TNR: variants seen among roughly 807,000 people sequenced by gnomAD.
TNR encodes tenascin R, also known as tenascin-R.
A neutral mutation model predicts 150.4 loss-of-function variants in TNR; 45 were observed. The ratio of observed to expected loss-of-function variants is 0.30; its 90% confidence interval spans 0.24 to 0.38. The LOEUF is 0.38. Ranked by LOEUF, TNR falls within the 10% of genes least tolerant of loss-of-function variation. The pLI, the probability that TNR is intolerant of heterozygous loss-of-function variation, is 1.00. For synonymous variants in TNR, 687 were observed against 678.4 expected (o/e 1.01, Z -0.20); for missense variants, 1,544 against 1,759.1 (o/e 0.88, Z 2.19).
At chr1:175,349,786 A>G (rs1442948110) in intron 18 of TNR, among the ~76,000 whole-genome samples, 1 of 152,178 alleles carries the variant, frequency 6.6e-6, no homozygotes, top group South Asian at 2.1e-4. Context: ...ACATGCATGG[A>G]AATGGTTTGT....
chr1:175,367,190 A>G lies in TNR; in HGVS notation c.2053+18T>C, dbSNP rs368674763. ...ATAGGCTAACCTGGTCTTCTTCCTC[A>G]GCAGTCCTCCTACTCACCAGTCCTG... On this transcript the variant is annotated intron_variant, in intron 10 of 22. Transcript: ENST00000367674. The G allele has an allele frequency of 8.7e-6, 14 of 1,612,970 alleles. No homozygotes were observed. The highest frequency in any genetic ancestry group is 1.2e-5 in the Non-Finnish European group (14 of 1,179,238).
intron 1 of TNR, among the ~76,000 whole-genome samples, chr1:175,555,516 A>G (rs372213129): frequency 2.0e-3 from 22 of 10,866 alleles, no homozygotes; most frequent in African/African-American, 5.0e-3. Context: ...CAACTGAGAG[A>G]AAAAAAAAAA....
chr1:175,549,676 A>T lies in TNR; in HGVS notation c.-164-21307T>A, dbSNP rs183620514. 8.5e-4 allele frequency among the ~76,000 whole-genome samples: 130 copies of T among 152,322 alleles called. No homozygotes were observed. The East Asian group carries it at 0.019, about 22-fold the overall frequency. The stretch of plus-strand genomic sequence containing the variant: ...GAGAGGGAAGCATGAAAGAAATACA[A>T]TGCAAGAGAGGTTCTCTGTTGCTGA... On this transcript the variant is annotated intron_variant, in intron 1 of 22. Coordinates refer to ENST00000367674, the MANE Select transcript of TNR (RefSeq NM_003285.3).
chr1:175,698,107 C>T (rs745987845), intron 1 of TNR, among the ~76,000 whole-genome samples: 2 of 152,218 alleles, frequency 1.3e-5, no homozygotes, highest in African/African-American at 4.8e-5. Flanking sequence ...CCATTCATTC[C>T]GTAATCCAAT....
At chr1:175,359,139 C>CTTTTTTTTTTTTTGT (rs1651469432) in intron 15 of TNR, among the ~76,000 whole-genome samples, 1 of 42,138 alleles carries the variant, frequency 2.4e-5, no homozygotes, top group Admixed American at 4.0e-4. Flanking sequence ...GGGATATCTT[C>CTTTTTTTTTTTTTGT]TTTTTTTTTT....
intron 2 of TNR, among the ~76,000 whole-genome samples, chr1:175,414,755 C>A (rs1654361914): frequency 6.6e-6 from 1 of 152,310 alleles, no homozygotes; most frequent in African/African-American, 2.4e-5. Flanking sequence ...TTTTCTTTTC[C>A]TCTTCCTCCC....
At chr1:175,394,000 T>A in intron 5 of TNR, 105 bp from the exon 6 acceptor site, 13 of 856,126 alleles carry the variant, frequency 1.5e-5, no homozygotes, top group Non-Finnish European at 2.3e-5. Flanking sequence ...ATGGGCGTGG[T>A]GGTGTCTGGT....
chr1:175,742,575 C>A (rs534862513), intron 1 of TNR, among the ~76,000 whole-genome samples: 1 of 152,104 alleles, frequency 6.6e-6, no homozygotes, highest in Non-Finnish European at 1.5e-5. Flanking sequence ...GGGACCTCAA[C>A]CCCCCAAAGC....
chr1:175,537,337 C>T (rs1021238623), intron 1 of TNR, among the ~76,000 whole-genome samples: 4 of 152,272 alleles, frequency 2.6e-5, no homozygotes, highest in South Asian at 4.2e-4. Context: ...CCCTTCCTTG[C>T]CCGGGTGTGG....
chr1:175,521,209 A>G (rs1396076820), intron 2 of TNR, among the ~76,000 whole-genome samples: 1 of 152,116 alleles, frequency 6.6e-6, no homozygotes, highest in Non-Finnish European at 1.5e-5. Flanking sequence ...TATTTAATAT[A>G]TTGTCCTTAC....
intron 6 of TNR, among the ~76,000 whole-genome samples, chr1:175,393,397 T>C (rs1653268435): frequency 6.6e-6 from 1 of 152,212 alleles, no homozygotes; most frequent in South Asian, 2.1e-4. Context: ...TGGCTGATTA[T>C]GTGATGGATT....
chr1:175,460,028 C>T (rs564709448), intron 2 of TNR, among the ~76,000 whole-genome samples: 14 of 152,288 alleles, frequency 9.2e-5, no homozygotes, highest in Admixed American at 5.9e-4. Context: ...TTCTAACAGA[C>T]GGTGACTGAC....
At chr1:175,486,082 G>C (rs1342487129) in intron 2 of TNR, among the ~76,000 whole-genome samples, 1 of 151,560 alleles carries the variant, frequency 6.6e-6, no homozygotes, top group Non-Finnish European at 1.5e-5. Flanking sequence ...ATGGTTTTGG[G>C]ATGAAACTGT....
chr1:175,725,952 G>T (rs1047953304), intron 1 of TNR, among the ~76,000 whole-genome samples: 3 of 152,146 alleles, frequency 2.0e-5, no homozygotes, highest in Non-Finnish European at 4.4e-5. Context: ...AATGAAAGTG[G>T]AATGATGGGA....
At chr1:175,403,872 G>T (rs891103036) in intron 3 of TNR, among the ~76,000 whole-genome samples, 3 of 152,214 alleles carry the variant, frequency 2.0e-5, no homozygotes, top group Non-Finnish European at 2.9e-5. Flanking sequence ...GACCTTTAAG[G>T]TGTCTTAGGA....
chr1:175,443,728 T>C (rs1655901513), intron 2 of TNR, among the ~76,000 whole-genome samples: 2 of 150,958 alleles, frequency 1.3e-5, no homozygotes, highest in Non-Finnish European at 3.0e-5. Flanking sequence ...GGAGGGAGGG[T>C]CCATGAGAAA....
Position 175,462,903 on chromosome 1 carries a change from A to G in TNR, c.-63-56126T>C, listed in dbSNP as rs61808380. Among the ~76,000 whole-genome samples, 223 of 152,324 alleles carry G rather than the reference A, an allele frequency of 1.5e-3. 1 individual carries two copies. Among genetic ancestry groups the G allele is most frequent in the South Asian group, 5.8e-3 (28 of 4,826 alleles). ...AAAAGTTTGCACCCTGCTGTGGTGG[A>G]GATCTTTTTTGGTTAATAATCTGCC... On this transcript the variant is annotated intron_variant, in intron 2 of 22. Transcript: ENST00000367674.
chr1:175,630,093 C>T (rs1473882042), intron 1 of TNR, among the ~76,000 whole-genome samples: 1 of 152,168 alleles, frequency 6.6e-6, no homozygotes, highest in African/African-American at 2.4e-5. Flanking sequence ...GCCACGGCTG[C>T]TGAAGTGCAG....
intron 1 of TNR, among the ~76,000 whole-genome samples, chr1:175,682,266 CACTT>C (rs202246834): frequency 0.032 from 4,870 of 152,248 alleles, 244 homozygotes; most frequent in African/African-American, 0.1. Context: ...TCATAGCTAT[CACTT>C]ACTGTGAGCT....
Sources: allele counts gnomAD v4.1 joint callset (sites outside exome capture counted in the v4.1 genomes callset), GRCh38; gene constraint gnomAD v4.1.1; transcripts MANE v1.5; gene names NCBI Gene and HGNC (gene_info 2026-07-23, HGNC 2026-07-21).